The following BRINP3 variants were observed in gnomAD, a reference collection of about 807,000 sequenced individuals.
The protein encoded by BRINP3 is BMP/retinoic acid inducible neural specific 3, also known as BMP/retinoic acid-inducible neural-specific protein 3.
Under a neutral mutation model 71.0 loss-of-function variants are expected in BRINP3, and 19 were observed. That is an observed-to-expected ratio of 0.27 (90% CI 0.19 to 0.39). The LOEUF is 0.39. Among genes scored for constraint, BRINP3 ranks in the 10% least tolerant of loss-of-function variants. The pLI, the probability that BRINP3 is intolerant of heterozygous loss-of-function variation, is 1.00. For missense variants in BRINP3, 959 were observed against 940.8 expected, an observed-to-expected ratio of 1.02 and a Z score of -0.25; for synonymous variants, 380 against 337.7, an observed-to-expected ratio of 1.13 and a Z score of -1.37.
intron 2 of BRINP3, among the ~76,000 whole-genome samples, chr1:190,352,155 T>C (rs1668430269): frequency 6.6e-6 from 1 of 152,016 alleles, no homozygotes; most frequent in Admixed American, 6.6e-5. Context: ...AAAAAATATA[T>C]ATGTTCTGTG....
At chr1:190,108,448 C>G (rs542673190) in intron 7 of BRINP3, among the ~76,000 whole-genome samples, 5 of 151,750 alleles carry the variant, frequency 3.3e-5, no homozygotes, top group Admixed American at 3.3e-4. Flanking sequence ...CTAATAGAAA[C>G]AGTAAAATGT....
chr1:190,454,937 A>G lies in BRINP3; in HGVS notation c.-47T>C, dbSNP rs988480603. On this transcript the variant is annotated 5_prime_UTR_variant, in exon 2 of 8. Transcript: ENST00000367462. Reference sequence around the variant, plus strand: ...CCTTCATTCTCTCAGCTTTCCCTCAACACCTAGACAAAATACACAGGCAAT... The same window carrying G: ...CCTTCATTCTCTCAGCTTTCCCTCAGCACCTAGACAAAATACACAGGCAAT... 2.7e-6 allele frequency: 4 copies of G among 1,479,796 alleles called. No individual in the cohort carries two copies. The African/African-American group carries it at 5.6e-5, about 21-fold the overall frequency. 91.7% of individuals were successfully genotyped at this position (1,479,796 alleles called of 1,614,324 possible).
chr1:190,134,189 G>A (rs1571797290), intron 7 of BRINP3, among the ~76,000 whole-genome samples: 1 of 152,136 alleles, frequency 6.6e-6, no homozygotes, highest in Middle Eastern at 3.4e-3. Context: ...GGAGTCTTGG[G>A]AAAGCCTCTT....
chr1:190,453,203 ATTTTTTTTTTTTTTTT>A (rs1190785225), intron 2 of BRINP3, among the ~76,000 whole-genome samples: 27 of 40,910 alleles, frequency 6.6e-4, no homozygotes, highest in East Asian at 2.8e-3. Flanking sequence ...AAACTTTAGT[ATTTTTTTTTTTTTTTT>A]TTTTTTTTTT....
chr1:190,429,841 G>A (rs551315072), intron 2 of BRINP3, among the ~76,000 whole-genome samples: 1 of 152,032 alleles, frequency 6.6e-6, no homozygotes, highest in South Asian at 2.1e-4. Flanking sequence ...TGCCCTGCCC[G>A]CCTTGGCCTC....
intron 6 of BRINP3, among the ~76,000 whole-genome samples, chr1:190,207,595 C>G (rs541728062): frequency 6.6e-6 from 1 of 151,994 alleles, no homozygotes; most frequent in Non-Finnish European, 1.5e-5. Context: ...TATGTGCATG[C>G]TATATAGGTG....
At chr1:190,311,890 T>G (rs1317732643) in intron 2 of BRINP3, among the ~76,000 whole-genome samples, 1 of 150,242 alleles carries the variant, frequency 6.7e-6, no homozygotes, top group African/African-American at 2.4e-5. Context: ...ATAAGAATAG[T>G]GCCAGGAGAG....
At chr1:190,446,655 T>C (rs1365509769) in intron 2 of BRINP3, among the ~76,000 whole-genome samples, 4 of 152,112 alleles carry the variant, frequency 2.6e-5, no homozygotes. Context: ...CATTTTGCTT[T>C]TGATATCCAA....
At chr1:190,198,112 C>A (rs561946256) in intron 6 of BRINP3, among the ~76,000 whole-genome samples, 1 of 152,180 alleles carries the variant, frequency 6.6e-6, no homozygotes, top group Non-Finnish European at 1.5e-5. Flanking sequence ...TGCAAACAGT[C>A]TGAGCTGTAT....
chr1:190,331,498 T>TA (rs1666961161), intron 2 of BRINP3, among the ~76,000 whole-genome samples: 1 of 152,040 alleles, frequency 6.6e-6, no homozygotes, highest in Admixed American at 6.6e-5. Flanking sequence ...TAAATGCTTT[T>TA]AAAAAGTTGT....
At chr1:190,427,462 T>TA (rs1673787977) in intron 2 of BRINP3, among the ~76,000 whole-genome samples, 1 of 152,044 alleles carries the variant, frequency 6.6e-6, no homozygotes, top group Non-Finnish European at 1.5e-5. Context: ...GTGATACTTA[T>TA]AAAATAGTTG....
intron 1 of BRINP3, among the ~76,000 whole-genome samples, chr1:190,466,861 C>G (rs942247496): frequency 1.3e-5 from 2 of 150,890 alleles, no homozygotes; most frequent in African/African-American, 4.9e-5. Context: ...ATAAAACACT[C>G]GTAATGTTAA....
intron 7 of BRINP3, among the ~76,000 whole-genome samples, chr1:190,143,509 T>C (rs1227725999): frequency 6.6e-6 from 1 of 152,144 alleles, no homozygotes; most frequent in Non-Finnish European, 1.5e-5. Flanking sequence ...CCTTTGTGGA[T>C]ATGGAAATAA....
chr1:190,387,232 A>T (rs974821679), intron 2 of BRINP3, among the ~76,000 whole-genome samples: 2 of 152,028 alleles, frequency 1.3e-5, no homozygotes, highest in African/African-American at 4.8e-5. Context: ...ATAAGGATAA[A>T]TGAAAATTTT....
chr1:190,427,114 T>C (rs1385203744), intron 2 of BRINP3, among the ~76,000 whole-genome samples: 2 of 152,060 alleles, frequency 1.3e-5, no homozygotes, highest in Admixed American at 1.3e-4. Flanking sequence ...AATAAAATTC[T>C]CAGATGAGAT....
intron 2 of BRINP3, among the ~76,000 whole-genome samples, chr1:190,380,533 C>T (rs1426402379): frequency 6.6e-6 from 1 of 152,082 alleles, no homozygotes; most frequent in East Asian, 1.9e-4. Context: ...CACTATGGGA[C>T]TCAATGAGAT....
intron 6 of BRINP3, among the ~76,000 whole-genome samples, chr1:190,189,191 T>C (rs1003265651): frequency 6.6e-6 from 1 of 152,308 alleles, no homozygotes; most frequent in African/African-American, 2.4e-5. Context: ...TATTCTTTAA[T>C]TTTTGGGACC....
intron 7 of BRINP3, among the ~76,000 whole-genome samples, chr1:190,105,917 G>T (rs1347163573): frequency 6.6e-6 from 1 of 151,786 alleles, no homozygotes; most frequent in Non-Finnish European, 1.5e-5. Flanking sequence ...TTTTCTGGAA[G>T]TAAAAAAATT....
intron 2 of BRINP3, among the ~76,000 whole-genome samples, chr1:190,408,135 C>T (rs992759923): frequency 4.0e-5 from 6 of 148,658 alleles, no homozygotes; most frequent in Non-Finnish European, 7.4e-5. Context: ...CATTCTCCTG[C>T]CTCAACCTCC....
Sources: gnomAD v4.1 joint callset for allele counts (sites outside exome capture counted in the v4.1 genomes callset) on GRCh38, gnomAD v4.1.1 for gene constraint, MANE v1.5 for transcripts, NCBI Gene and HGNC (gene_info 2026-07-23, HGNC 2026-07-21) for gene names.